PRDM5: variants seen among roughly 807,000 people sequenced by gnomAD.
The protein encoded by PRDM5 is PR/SET domain 5, also known as PR domain zinc finger protein 5.
PRDM5 carries 56 observed loss-of-function variants against 81.2 expected under a neutral mutation model. The observed-to-expected ratio is 0.69, with a 90% confidence interval of 0.56 to 0.86. The LOEUF is 0.86. PRDM5 is among the 40% of genes least tolerant of loss of function. PRDM5 has a pLI of 0.00. For missense variants in PRDM5, 697 were observed against 770.1 expected (o/e 0.91, Z 1.12); for synonymous variants, 267 against 256.4 (o/e 1.04, Z -0.39).
At chr4:120,913,670 G>A (rs1461052052) in intron 1 of PRDM5, among the ~76,000 whole-genome samples, 2 of 152,184 alleles carry the variant, frequency 1.3e-5, no homozygotes, top group Admixed American at 1.3e-4. Flanking sequence ...ACTAGCATCT[G>A]TGGGCAAATG....
chr4:120,919,926 G>A (rs1158220485), intron 1 of PRDM5, among the ~76,000 whole-genome samples: 1 of 151,946 alleles, frequency 6.6e-6, no homozygotes, highest in African/African-American at 2.4e-5. Flanking sequence ...TCGTTTTCTT[G>A]AGTTGTCACT....
chr4:120,768,196 C>T (rs1746677365), intron 13 of PRDM5, among the ~76,000 whole-genome samples: 1 of 152,076 alleles, frequency 6.6e-6, no homozygotes, highest in Non-Finnish European at 1.5e-5. Context: ...GGGGGACTTA[C>T]AGAATTTCTG....
In PRDM5 at chr4:120,881,629, A is replaced by G. The variant is rs1210585773; in HGVS notation, c.177+25845T>C. The stretch of plus-strand genomic sequence containing the variant: ...CATATAAAGAATTTTTTAAAACTCT[A>G]CACCACAAGTTCATTTATTTAGGCC... On this transcript the variant is annotated intron_variant, in intron 2 of 15. Coordinates refer to ENST00000264808, the MANE Select transcript of PRDM5 (RefSeq NM_018699.4). Among the ~76,000 whole-genome samples, 9 of 152,310 alleles carry G rather than the reference A, an allele frequency of 5.9e-5. No individual in the cohort carries two copies. In the East Asian group the frequency reaches 1.5e-3, roughly 26 times the overall value.
chr4:120,704,800 G>C (rs78395044), intron 15 of PRDM5, among the ~76,000 whole-genome samples: 27 of 152,082 alleles, frequency 1.8e-4, no homozygotes, highest in Admixed American at 7.9e-4. Flanking sequence ...GATGCATCGC[G>C]GTTTATCATG....
At chr4:120,782,599 C>A (rs891458284) in intron 11 of PRDM5, among the ~76,000 whole-genome samples, 4 of 152,104 alleles carry the variant, frequency 2.6e-5, no homozygotes, top group Admixed American at 1.3e-4. Context: ...CACGTCCATA[C>A]AATGCATGAA....
intron 14 of PRDM5, among the ~76,000 whole-genome samples, chr4:120,719,105 C>G (rs1027927075): frequency 1.3e-5 from 2 of 152,176 alleles, no homozygotes; most frequent in African/African-American, 4.8e-5. Context: ...TGGATCTCAG[C>G]AAAAGGGCCA....
intron 15 of PRDM5, among the ~76,000 whole-genome samples, chr4:120,700,949 AC>A (rs974129171): frequency 6.6e-6 from 1 of 152,024 alleles, no homozygotes; most frequent in Non-Finnish European, 1.5e-5. Context: ...ATATGGAGAA[AC>A]CCTGTCTCTA....
rs149986695 is a variant in PRDM5, at chr4:120,723,120, T to C, written c.1624-12707A>G. 2.0e-4 allele frequency among the ~76,000 whole-genome samples: 30 copies of C among 152,324 alleles called. 1 individual carries two copies. The East Asian group carries it at 5.6e-3, about 28-fold the overall frequency. ...GCCCTATCCTAGTGACACAGAATACTTCCAGCTTACATTGAAGCATAGCAC... is the reference window on the plus strand; with the variant it reads ...GCCCTATCCTAGTGACACAGAATACCTCCAGCTTACATTGAAGCATAGCAC... On this transcript the variant is annotated intron_variant, in intron 14 of 15. Coordinates refer to ENST00000264808, the MANE Select transcript of PRDM5 (RefSeq NM_018699.4).
intron 2 of PRDM5, among the ~76,000 whole-genome samples, chr4:120,867,778 G>A (rs1302440281): frequency 6.6e-6 from 1 of 152,178 alleles, no homozygotes; most frequent in Non-Finnish European, 1.5e-5. Context: ...AAATTACAAA[G>A]TGACAAAAAC....
At chr4:120,907,647 G>T in intron 1 of PRDM5, 90 bp from the exon 2 acceptor site, 1 of 1,012,302 alleles carries the variant, frequency 9.9e-7, no homozygotes, top group Non-Finnish European at 1.6e-6. Flanking sequence ...ATGTTTTTCT[G>T]CAAATCTTCA....
At chr4:120,922,453 G>C in intron 1 of PRDM5, 63 bp downstream of exon 1, 4 of 1,327,120 alleles carry the variant, frequency 3.0e-6, no homozygotes, top group Non-Finnish European at 3.9e-6. Context: ...GCGGCAGGGC[G>C]ACTCCGGGAG....
At chr4:120,777,623 C>T (rs1352681639) in intron 12 of PRDM5, among the ~76,000 whole-genome samples, 1 of 152,052 alleles carries the variant, frequency 6.6e-6, no homozygotes, top group Non-Finnish European at 1.5e-5. Flanking sequence ...TCCCAGCTGC[C>T]AAGAAACACT....
chr4:120,728,626 C>A (rs919209644), intron 14 of PRDM5, among the ~76,000 whole-genome samples: 5 of 152,100 alleles, frequency 3.3e-5, no homozygotes, highest in Admixed American at 1.3e-4. Flanking sequence ...TTGTTTTGTA[C>A]CAATTATTAC....
At chr4:120,806,564 T>C (rs1411298702) in intron 8 of PRDM5, among the ~76,000 whole-genome samples, 1 of 152,170 alleles carries the variant, frequency 6.6e-6, no homozygotes, top group Non-Finnish European at 1.5e-5. Flanking sequence ...AACCATCTGA[T>C]TTTTGACAAA....
intron 2 of PRDM5, among the ~76,000 whole-genome samples, chr4:120,881,432 A>G (rs1762831194): frequency 6.6e-6 from 1 of 152,228 alleles, no homozygotes; most frequent in Non-Finnish European, 1.5e-5. Flanking sequence ...AATTAAATCC[A>G]TGACATTTTT....
intron 13 of PRDM5, among the ~76,000 whole-genome samples, chr4:120,772,959 T>A (rs1747517571): frequency 6.6e-6 from 1 of 152,228 alleles, no homozygotes. Context: ...AGCCACAAAA[T>A]CATGGTACAT....
intron 14 of PRDM5, among the ~76,000 whole-genome samples, chr4:120,748,056 A>C (rs1445431487): frequency 2.0e-5 from 3 of 152,210 alleles, no homozygotes; most frequent in South Asian, 2.1e-4. Flanking sequence ...TCAATGAGTG[A>C]CTGTTTTGGC....
At chr4:120,696,371 T>C (rs978393762) in intron 15 of PRDM5, among the ~76,000 whole-genome samples, 1 of 152,118 alleles carries the variant, frequency 6.6e-6, no homozygotes, top group African/African-American at 2.4e-5. Context: ...CCACTGTAAT[T>C]TACCTACTCT....
intron 3 of PRDM5, among the ~76,000 whole-genome samples, chr4:120,850,982 T>C (rs1759199903): frequency 6.6e-6 from 1 of 152,124 alleles, no homozygotes; most frequent in South Asian, 2.1e-4. Context: ...TAAATACTTA[T>C]TGACACTGTT....
Sources: allele counts gnomAD v4.1 joint callset (sites outside exome capture counted in the v4.1 genomes callset), GRCh38; gene constraint gnomAD v4.1.1; transcripts MANE v1.5; gene names NCBI Gene and HGNC (gene_info 2026-07-23, HGNC 2026-07-21).